DAGLB: variants seen among roughly 807,000 people sequenced by gnomAD.
The protein encoded by DAGLB is diacylglycerol lipase-beta.
In DAGLB, 66 loss-of-function variants were observed where a neutral mutation model predicts 72.1. That is an observed-to-expected ratio of 0.92 (90% confidence interval 0.75 to 1.12). DAGLB has a LOEUF of 1.12. Ranked by LOEUF, DAGLB falls within the 50% of genes most tolerant of loss-of-function variation. The pLI, the probability that DAGLB is intolerant of heterozygous loss-of-function variation, is 0.00. For missense variants in DAGLB, 1,065 were observed against 884.9 expected, an observed-to-expected ratio of 1.20 and a Z score of -2.58; for synonymous variants, 414 against 359.5, an observed-to-expected ratio of 1.15 and a Z score of -1.71.
chr7:6,431,953 G>C (rs1255876793), intron 5 of DAGLB, among the ~76,000 whole-genome samples: 1 of 152,112 alleles, frequency 6.6e-6, no homozygotes, highest in African/African-American at 2.4e-5. Flanking sequence ...CCTAGGCTTA[G>C]TACCTGGGTG....
At chr7:6,414,555 C>A (rs1783840183) in intron 11 of DAGLB, among the ~76,000 whole-genome samples, 1 of 152,074 alleles carries the variant, frequency 6.6e-6, no homozygotes, top group Admixed American at 6.6e-5. Flanking sequence ...CCTGCCTCAG[C>A]CTCCCAAAGC....
Position 6,412,830 on chromosome 7 carries a change from G to A in DAGLB, c.1550C>T (p.Ala517Val), listed in dbSNP as rs1133850. 40,919 of 1,593,438 alleles carry A rather than the reference G, an allele frequency of 0.026. 917 individuals carry two copies. The highest frequency in any genetic ancestry group is 0.095 in the East Asian group (4,226 of 44,492). Residue 517 changes from alanine (A) to valine (V), a missense_variant, in exon 13 of 15, where the codon GCG becomes GTG. By Grantham distance (64) the Ala-to-Val change is moderately conservative. Transcript: ENST00000297056. ...GCTTACCTTGGGTTTATTGCAGTGC[G>A]CGACCACTCGCAAGATTCTTCTCTT... ...DLKRRILRVVAHCNKPKYKIL... is the reference protein window; with the variant it reads ...DLKRRILRVVVHCNKPKYKIL...
chr7:6,429,640 C>T (rs542365422), intron 6 of DAGLB, among the ~76,000 whole-genome samples: 4 of 152,058 alleles, frequency 2.6e-5, no homozygotes, highest in Non-Finnish European at 4.4e-5. Flanking sequence ...TGGTGGCTGA[C>T]GCCTGTAATC....
intron 2 of DAGLB, among the ~76,000 whole-genome samples, chr7:6,445,538 C>T (rs2115302522): frequency 6.6e-6 from 1 of 152,266 alleles, no homozygotes. Flanking sequence ...GTGACAGAGT[C>T]TCCACTCTGT....
intron 3 of DAGLB, chr7:6,435,470 G>A (rs1387924420): frequency 6.5e-6 from 1 of 153,972 alleles, no homozygotes; most frequent in African/African-American, 2.5e-5. Context: ...GGGCGACAGA[G>A]GGAGACTCCG....
rs1562482865 is a variant in DAGLB at position 6,424,777 on chromosome 7, G to A, written c.1115C>T (p.Ala372Val). The change falls in exon 8 of 15, where the codon GCT (alanine) becomes GTT (valine). Residue 372 changes from alanine to valine, a missense_variant. Transcript: ENST00000297056. Reference sequence around the variant, plus strand: ...CTGCAGAGACATGGTCCCCCTCACAGCGACCACAACAGACTCTTTCCTGTG... The same window carrying A: ...CTGCAGAGACATGGTCCCCCTCACAACGACCACAACAGACTCTTTCCTGTG... The part of the protein sequence containing the change: ...LDHRKESVVV[A>V]VRGTMSLQDV... 6.2e-7 allele frequency: 1 copy of A among 1,613,852 alleles called. No homozygotes were observed. The highest frequency in any genetic ancestry group is 8.5e-7 in the Non-Finnish European group (1 of 1,179,858).
At chr7:6,436,260 T>C (rs1418472988) in intron 3 of DAGLB, 102 bp downstream of exon 3, 1 of 1,415,350 alleles carries the variant, frequency 7.1e-7, no homozygotes, top group Non-Finnish European at 9.5e-7. Context: ...TCTAACTATT[T>C]GAGGAAGTCC....
chr7:6,433,117 T>A (rs558736099), intron 4 of DAGLB, among the ~76,000 whole-genome samples, 158 bp from the exon 5 acceptor site: 1 of 152,192 alleles, frequency 6.6e-6, no homozygotes, highest in Non-Finnish European at 1.5e-5. Context: ...CAGGAGTGCT[T>A]CTCTATGTGA....
intron 8 of DAGLB, among the ~76,000 whole-genome samples, chr7:6,423,978 G>T (rs1279742161): frequency 6.6e-6 from 1 of 152,126 alleles, no homozygotes; most frequent in Non-Finnish European, 1.5e-5. Context: ...GTGCCTCCCG[G>T]GAGACCCACA....
chr7:6,440,009 G>A (rs1266305366), intron 2 of DAGLB, among the ~76,000 whole-genome samples: 1 of 146,430 alleles, frequency 6.8e-6, no homozygotes, highest in Non-Finnish European at 1.5e-5. Flanking sequence ...CTAAGATCAC[G>A]CCACTGCACT....
At chr7:6,411,976 T>TGCAGTGGC (rs1783744107) in intron 13 of DAGLB, among the ~76,000 whole-genome samples, 1 of 151,728 alleles carries the variant, frequency 6.6e-6, no homozygotes, top group Non-Finnish European at 1.5e-5. Flanking sequence ...CAGGCTGGAG[T>TGCAGTGGC]GCGATCTTGG....
At chr7:6,416,447 G>T (rs1783918697) in intron 11 of DAGLB, 180 bp downstream of exon 11, 4 of 820,388 alleles carry the variant, frequency 4.9e-6, no homozygotes, top group African/African-American at 1.7e-5. Context: ...GGAGGCTGAG[G>T]CAGAAGAACC....
At position 6,409,132 on chromosome 7, in the gene DAGLB, G is replaced by C. The variant is rs836559; in HGVS notation, c.*705C>G. The C allele has an allele frequency of 0.59, 90,278 of 153,048 alleles. 28,855 individuals carry two copies. The highest frequency in any genetic ancestry group is 0.91 in the East Asian group (4,687 of 5,148). The allele number at this position is 153,048 out of a possible 1,614,324, so 9.5% of individuals were successfully genotyped here. A position where few individuals can be genotyped will look rare whatever the true frequency, so the allele number is the denominator to read the frequency against. Reference sequence around the variant, plus strand: ...ACGCAGCTGTACACACAAGCACTATGGTGACGCGCGCTTTATTGTTTCAAC... The same window carrying C: ...ACGCAGCTGTACACACAAGCACTATCGTGACGCGCGCTTTATTGTTTCAAC... On this transcript the variant is annotated 3_prime_UTR_variant, in exon 15 of 15. Transcript: ENST00000297056.
At chr7:6,426,380 C>A (rs776639269) in intron 6 of DAGLB, among the ~76,000 whole-genome samples, 3 of 152,266 alleles carry the variant, frequency 2.0e-5, no homozygotes, top group Admixed American at 6.5e-5. Flanking sequence ...GGCGATTCCC[C>A]TGCCTCAGCC....
intron 2 of DAGLB, among the ~76,000 whole-genome samples, chr7:6,441,188 T>G (rs1261911905): frequency 6.6e-6 from 1 of 150,552 alleles, no homozygotes; most frequent in Non-Finnish European, 1.5e-5. Flanking sequence ...CCTCCCAGGT[T>G]CATGCCATTC....
rs181344060 is a variant in DAGLB at position 6,420,280 on chromosome 7, A to G, written c.1218+1447T>C. 1.7e-3 allele frequency among the ~76,000 whole-genome samples: 261 copies of G among 152,066 alleles called. 4 individuals carry two copies. Among genetic ancestry groups the G allele is most frequent in the Non-Finnish European group, 1.3e-3 (89 of 67,984 alleles). On this transcript the variant is annotated intron_variant, in intron 9 of 14. Coordinates refer to ENST00000297056, the MANE Select transcript of DAGLB (RefSeq NM_139179.4). Reference sequence around the variant, plus strand: ...CATGGTGAAACCCCGTCTCTACTAAAAATACAAAAATCAGCTGGGTGTGGT... The same window carrying G: ...CATGGTGAAACCCCGTCTCTACTAAGAATACAAAAATCAGCTGGGTGTGGT...
chr7:6,431,510 G>A (rs527509739), intron 5 of DAGLB, among the ~76,000 whole-genome samples: 6 of 152,192 alleles, frequency 3.9e-5, no homozygotes, highest in Non-Finnish European at 8.8e-5. Context: ...AGTGGCTCAC[G>A]CCTGTAATCC....
At chr7:6,411,823 C>T (rs1358610294) in intron 13 of DAGLB, among the ~76,000 whole-genome samples, 1 of 152,174 alleles carries the variant, frequency 6.6e-6, no homozygotes, top group African/African-American at 2.4e-5. Flanking sequence ...ATCTGTATCT[C>T]CTTGTCCCCA....
Position 6,421,869 on chromosome 7 carries a change from T to C in DAGLB, c.1141-65A>G, listed in dbSNP as rs376973564. On this transcript the variant is annotated intron_variant, in intron 8 of 14. Transcript: ENST00000297056. ...ATGGGCAGGGTGGGAGAATGACAGG[T>C]GGTCCCTGCTCCTGACACTTCTGTG... The C allele has an allele frequency of 7.1e-6, 11 of 1,544,374 alleles. No individual in the cohort carries two copies. The East Asian group carries it at 2.3e-4, about 32-fold the overall frequency.
Sources: gnomAD v4.1 joint callset for allele counts (sites outside exome capture counted in the v4.1 genomes callset) on GRCh38, gnomAD v4.1.1 for gene constraint, MANE v1.5 for transcripts, NCBI Gene and HGNC (gene_info 2026-07-23, HGNC 2026-07-21) for gene names.